The following SP140 variants were observed in gnomAD, a reference collection of about 807,000 sequenced individuals.
SP140 encodes nuclear body protein SP140.
SP140 carries 81 observed loss-of-function variants against 125.0 expected under a neutral mutation model. The observed-to-expected ratio is 0.65, with a 90% CI of 0.54 to 0.78. SP140 has a LOEUF of 0.78. SP140 is among the 30% of genes least tolerant of loss of function. SP140 has a pLI of 0.00. For synonymous variants in SP140, 312 were observed against 354.0 expected, an observed-to-expected ratio of 0.88 and a Z score of 1.33; for missense variants, 858 against 1,037.0, an observed-to-expected ratio of 0.83 and a Z score of 2.37.
At chr2:230,290,780 G>A (rs1361764511) in intron 19 of SP140, among the ~76,000 whole-genome samples, 20 of 152,312 alleles carry the variant, frequency 1.3e-4, no homozygotes. Flanking sequence ...GGTGCCCAAA[G>A]AACCAAAGAG....
intron 12 of SP140, among the ~76,000 whole-genome samples, chr2:230,268,978 A>G (rs554423317): frequency 1.3e-5 from 2 of 152,322 alleles, no homozygotes; most frequent in Non-Finnish European, 2.9e-5. Flanking sequence ...TGCTTGTAAG[A>G]CACAGTCTCT....
At chr2:230,297,536 C>T in intron 22 of SP140, 74 bp downstream of exon 22, 1 of 1,523,288 alleles carries the variant, frequency 6.6e-7, no homozygotes, top group Non-Finnish European at 9.1e-7. Flanking sequence ...TGTGTCATGA[C>T]TGCTGTTGCC....
intron 22 of SP140, among the ~76,000 whole-genome samples, chr2:230,300,767 T>C (rs567095266): frequency 1.3e-5 from 2 of 152,176 alleles, no homozygotes; most frequent in African/African-American, 4.8e-5. Flanking sequence ...AAAGATCACG[T>C]TAGCTCACCA....
At chr2:230,245,752 C>T in intron 6 of SP140, 111 bp from the exon 7 acceptor site, 2 of 684,956 alleles carry the variant, frequency 2.9e-6, no homozygotes, top group Non-Finnish European at 2.6e-6. Context: ...TGCAAAGATA[C>T]CTTTATTCCC....
chr2:230,288,465 C>G (rs1472221460), intron 18 of SP140, among the ~76,000 whole-genome samples: 1 of 79,290 alleles, frequency 1.3e-5, no homozygotes, highest in African/African-American at 4.7e-5. Context: ...ATCTTTCTTT[C>G]TTTCTTTCTT....
upstream of SP140, among the ~76,000 whole-genome samples, chr2:230,198,172 G>A (rs181061457): frequency 3.7e-3 from 563 of 152,338 alleles, 3 homozygotes; most frequent in African/African-American, 0.013. Flanking sequence ...TATGTGGTAG[G>A]TCATGCTGCT....
In SP140 at chr2:230,225,944, G is replaced by A. The variant is rs201324491; in HGVS notation, c.59+41G>A. 3 of 1,544,672 alleles carry A rather than the reference G, an allele frequency of 1.9e-6. No homozygotes were observed. In the African/African-American group the frequency reaches 4.1e-5, roughly 21 times the overall value. On this transcript the variant is annotated intron_variant, in intron 1 of 26. Coordinates refer to ENST00000392045, the MANE Select transcript of SP140 (RefSeq NM_007237.5). ...CTTTCCCGTCTGTCCTTCATCTCTGGTAGGGTTCCCTTTCATACTTGTTAT... is the reference window on the plus strand; with the variant it reads ...CTTTCCCGTCTGTCCTTCATCTCTGATAGGGTTCCCTTTCATACTTGTTAT...
upstream of SP140, among the ~76,000 whole-genome samples, chr2:230,199,148 A>AT (rs113583785): frequency 7.5e-3 from 1,043 of 139,076 alleles, 25 homozygotes; most frequent in African/African-American, 0.027. Flanking sequence ...TATTATTATT[A>AT]TTTTTTTTTT....
intron 12 of SP140, 76 bp downstream of exon 12, chr2:230,255,608 G>T: frequency 7.3e-7 from 1 of 1,372,448 alleles, no homozygotes. Context: ...CGTGTTTCCT[G>T]ATTGACTTTC....
chr2:230,272,180 A>G (rs2054025984), intron 15 of SP140, among the ~76,000 whole-genome samples: 1 of 152,322 alleles, frequency 6.6e-6, no homozygotes, highest in South Asian at 2.1e-4. Flanking sequence ...CCATTAAGCT[A>G]CCATTGACAT....
chr2:230,275,947 A>G (rs907417255), intron 15 of SP140, among the ~76,000 whole-genome samples: 1 of 152,174 alleles, frequency 6.6e-6, no homozygotes, highest in Non-Finnish European at 1.5e-5. Context: ...ACTCTCCTCA[A>G]TTCTATGAAG....
In SP140 at chr2:230,292,599, C is replaced by T. The variant is rs77835393; in HGVS notation, c.1826-47C>T. 4.1e-4 allele frequency: 653 copies of T among 1,611,728 alleles called. 7 individuals carry two copies. In the East Asian group the frequency reaches 0.014, roughly 34 times the overall value. On this transcript the variant is annotated intron_variant, in intron 19 of 26. Transcript: ENST00000392045. Reference sequence around the variant, plus strand: ...GTGTGGTGAGTGGCCATAGTCTGTGCGCTGGGAAAAAAGAGGGCTCAGGAT... The same window carrying T: ...GTGTGGTGAGTGGCCATAGTCTGTGTGCTGGGAAAAAAGAGGGCTCAGGAT...
At position 230,292,583 on chromosome 2, in the gene SP140, G is replaced by A. The variant is rs2057253639; in HGVS notation, c.1826-63G>A. On this transcript the variant is annotated intron_variant, in intron 19 of 26. Transcript: ENST00000392045. ...GGTGGCTCTAGATCCAGTGTGGTGA[G>A]TGGCCATAGTCTGTGCGCTGGGAAA... 3.1e-6 allele frequency: 5 copies of A among 1,601,866 alleles called. No individual in the cohort carries two copies. In the Admixed American group the frequency reaches 6.7e-5, roughly 21 times the overall value.
intron 1 of SP140, among the ~76,000 whole-genome samples, chr2:230,205,766 A>G (rs1042653688): frequency 6.6e-6 from 1 of 152,240 alleles, no homozygotes; most frequent in Non-Finnish European, 1.5e-5. Flanking sequence ...GGAGACTTGC[A>G]AACAAAGACG....
At chr2:230,222,411 C>T (rs142603832), upstream of SP140, among the ~76,000 whole-genome samples, 2 of 152,222 alleles carry the variant, frequency 1.3e-5, no homozygotes, top group African/African-American at 4.8e-5. Context: ...GTAGTTACTA[C>T]ACCAGTCAAG....
chr2:230,271,807 C>T (rs1026003213), intron 15 of SP140, among the ~76,000 whole-genome samples: 20 of 152,118 alleles, frequency 1.3e-4, no homozygotes, highest in Non-Finnish European at 2.2e-4. Flanking sequence ...CTGTCAGGGA[C>T]GTGTGCTTGG....
intron 12 of SP140, among the ~76,000 whole-genome samples, chr2:230,268,714 C>G (rs1290559076): frequency 6.6e-6 from 1 of 152,128 alleles, no homozygotes; most frequent in Non-Finnish European, 1.5e-5. Context: ...CTCAGTGAAA[C>G]AAGTCAGAGT....
chr2:230,223,039 CTTTT>C (rs34477714), upstream of SP140, among the ~76,000 whole-genome samples: 1 of 136,766 alleles, frequency 7.3e-6, no homozygotes, highest in Admixed American at 7.4e-5. Context: ...ATCAGTCTGA[CTTTT>C]TTTTTTTTTT....
chr2:230,258,245 C>A (rs1418972015), intron 12 of SP140, among the ~76,000 whole-genome samples: 1 of 151,928 alleles, frequency 6.6e-6, no homozygotes, highest in African/African-American at 2.4e-5. Flanking sequence ...GGAAGAGGAC[C>A]CTGGAAACAA....
Sources: gnomAD v4.1 joint callset for allele counts (sites outside exome capture counted in the v4.1 genomes callset) on GRCh38, gnomAD v4.1.1 for gene constraint, MANE v1.5 for transcripts, NCBI Gene and HGNC (gene_info 2026-07-23, HGNC 2026-07-21) for gene names.